Variants in TRABD2A observed in about 807,000 individuals in gnomAD.
TRABD2A encodes TraB domain containing 2A.
A neutral mutation model predicts 45.6 loss-of-function variants in TRABD2A; 43 were observed. That is an observed-to-expected ratio of 0.94 (90% CI 0.74 to 1.22). TRABD2A has a LOEUF of 1.22. TRABD2A is among the 50% of genes most tolerant of loss of function. TRABD2A has a pLI of 0.00. For synonymous variants in TRABD2A, 269 were observed against 265.0 expected, an observed-to-expected ratio of 1.02 and a Z score of -0.15; for missense variants, 642 against 652.4, an observed-to-expected ratio of 0.98 and a Z score of 0.17.
chr2:84,847,616 G>A (rs1275039505), intron 2 of TRABD2A, among the ~76,000 whole-genome samples: 2 of 152,222 alleles, frequency 1.3e-5, no homozygotes, highest in African/African-American at 4.8e-5. Flanking sequence ...GAAAGGCAAA[G>A]GAGCAGGCAC....
At chr2:84,827,705 G>A (rs556262026) in intron 5 of TRABD2A, among the ~76,000 whole-genome samples, 8 of 152,320 alleles carry the variant, frequency 5.3e-5, no homozygotes, top group African/African-American at 1.4e-4. Context: ...GAGTAGCCCA[G>A]GTTATCCAGG....
intron 1 of TRABD2A, among the ~76,000 whole-genome samples, chr2:84,873,454 G>A (rs1290074764): frequency 6.6e-6 from 1 of 152,164 alleles, no homozygotes; most frequent in Non-Finnish European, 1.5e-5. Context: ...ACCATTGATT[G>A]TTGAAGTAAT....
At chr2:84,856,464 G>A (rs1428560962) in intron 2 of TRABD2A, among the ~76,000 whole-genome samples, 1 of 152,142 alleles carries the variant, frequency 6.6e-6, no homozygotes, top group Admixed American at 6.5e-5. Flanking sequence ...TTCTTTGGAT[G>A]TCTAGGTCTG....
intron 2 of TRABD2A, chr2:84,851,279 C>G (rs1682086212): frequency 6.6e-6 from 1 of 152,196 alleles, no homozygotes; most frequent in African/African-American, 2.4e-5. Flanking sequence ...GAGATGGGCT[C>G]AGGGTCATAC....
At chr2:84,880,629 TCC>T in intron 1 of TRABD2A, among the ~76,000 whole-genome samples, 2 of 152,276 alleles carry the variant, frequency 1.3e-5, no homozygotes, top group East Asian at 3.9e-4. Flanking sequence ...GGCGGATCCG[TCC>T]CCCGAAAGCT....
rs1377149700 is a variant in TRABD2A, at chr2:84,839,336, A to G, written c.817-13T>C. The G allele has an allele frequency of 1.3e-6, 2 of 1,579,050 alleles. No homozygotes were observed. Among genetic ancestry groups the G allele is most frequent in the Non-Finnish European group, 1.7e-6 (2 of 1,163,450 alleles). On this transcript the variant is annotated splice_polypyrimidine_tract_variant and intron_variant, in intron 3 of 6. Coordinates refer to ENST00000409520, the MANE Select transcript of TRABD2A (RefSeq NM_001277053.2). ...TAAAATTGGGAACCTCCACCAAAAT[A>G]AAGAGAAAAAAAAATAAGGGGCAAC...
intron 2 of TRABD2A, among the ~76,000 whole-genome samples, chr2:84,853,383 C>T (rs114715768): frequency 0.051 from 7,710 of 152,192 alleles, 706 homozygotes; most frequent in African/African-American, 0.18. Flanking sequence ...ACATGTCCTT[C>T]GTCACATGGC....
rs372045788 is a variant in TRABD2A, at chr2:84,870,605, A to C, written c.289T>G (p.Ser97Ala). ...AGCATCTGACAGCTGGTGAGAGCTG[A>C]GATGGTATAGGGGTCTGTGAGATCC... Reference protein sequence around the residue: ...ELDLTDPYTISALTSCQMLPQ... With the variant: ...ELDLTDPYTIAALTSCQMLPQ... The change falls in exon 2 of 7, where the codon TCA (serine) becomes GCA (alanine). Residue 97 changes from serine (S) to alanine (A), a missense_variant. Coordinates refer to ENST00000409520, the MANE Select transcript of TRABD2A (RefSeq NM_001277053.2). The C allele has an allele frequency of 2.5e-5, 40 of 1,613,408 alleles. No homozygotes were observed. Among genetic ancestry groups the C allele is most frequent in the Non-Finnish European group, 3.3e-5 (39 of 1,179,712 alleles).
intron 2 of TRABD2A, among the ~76,000 whole-genome samples, chr2:84,855,210 A>G (rs1251410977): frequency 1.3e-5 from 2 of 152,176 alleles, no homozygotes; most frequent in Admixed American, 1.3e-4. Flanking sequence ...GCCTCATTTC[A>G]AATCTCTTTT....
At chr2:84,828,110 A>T (rs1681201784) in intron 5 of TRABD2A, among the ~76,000 whole-genome samples, 1 of 152,220 alleles carries the variant, frequency 6.6e-6, no homozygotes, top group South Asian at 2.1e-4. Context: ...TCTGCAGATT[A>T]GCCCAACAGG....
intron 2 of TRABD2A, among the ~76,000 whole-genome samples, chr2:84,855,434 CT>C (rs1682241305): frequency 6.6e-6 from 1 of 152,020 alleles, no homozygotes; most frequent in African/African-American, 2.4e-5. Context: ...ATTATACTCC[CT>C]TTTTTTAAAA....
intron 2 of TRABD2A, among the ~76,000 whole-genome samples, chr2:84,849,273 T>G (rs576309780): frequency 2.6e-5 from 4 of 152,100 alleles, no homozygotes; most frequent in African/African-American, 7.2e-5. Context: ...AGGGCTCATT[T>G]CTCCCAGATC....
chr2:84,863,970 T>C (rs1262993338), intron 2 of TRABD2A, among the ~76,000 whole-genome samples: 4 of 151,994 alleles, frequency 2.6e-5, no homozygotes, highest in South Asian at 2.1e-4. Context: ...AAATCGATCA[T>C]GGAAAATGTG....
Position 84,823,989 on chromosome 2 carries a change from C to T in TRABD2A, c.1298G>A (p.Arg433Gln), listed in dbSNP as rs778315280. Residue 433 changes from arginine to glutamine, a missense_variant, in exon 6 of 7, where the codon CGG becomes CAG. Physicochemically the swap from Arg to Gln is conservative, Grantham distance 43 (BLOSUM62 1). Coordinates refer to ENST00000409520, the MANE Select transcript of TRABD2A (RefSeq NM_001277053.2). The part of the protein sequence containing the change: ...RRRSQRRPRL[R>Q]QFSDLWVRLE... ...GCGGACCCACAGATCGCTGAATTGC[C>T]GGAGTCGCGGCCTCCGCTGTGACCG... is the stretch of plus-strand genomic sequence containing the variant. The T allele has an allele frequency of 5.0e-6, 8 of 1,613,904 alleles. 1 individual carries two copies. The highest frequency in any genetic ancestry group is 3.3e-5 in the South Asian group (3 of 91,064).
chr2:84,824,699 C>CT (rs764261649), intron 5 of TRABD2A, among the ~76,000 whole-genome samples: 22 of 152,114 alleles, frequency 1.4e-4, no homozygotes, highest in Non-Finnish European at 3.2e-4. Flanking sequence ...TGTCACGAAT[C>CT]TGACTAGTGA....
At chr2:84,846,100 G>A (rs1372086116) in intron 2 of TRABD2A, among the ~76,000 whole-genome samples, 1 of 152,152 alleles carries the variant, frequency 6.6e-6, no homozygotes, top group East Asian at 1.9e-4. Context: ...TTTCCTGGAG[G>A]GGAGGGAGGT....
At chr2:84,836,998 T>TTG (rs962822958) in intron 4 of TRABD2A, 3 of 144,752 alleles carry the variant, frequency 2.1e-5, no homozygotes, top group African/African-American at 7.7e-5. Context: ...TTTTTTTTTT[T>TTG]TTTTTTTTTT....
chr2:84,853,425 GA>G (rs1682166542), intron 2 of TRABD2A, among the ~76,000 whole-genome samples: 1 of 152,128 alleles, frequency 6.6e-6, no homozygotes, highest in African/African-American at 2.4e-5. Flanking sequence ...GCAAAAGGGG[GA>G]AAAGCCCCTT....
intron 3 of TRABD2A, among the ~76,000 whole-genome samples, chr2:84,840,291 T>C (rs560412304): frequency 6.6e-6 from 1 of 152,190 alleles, no homozygotes; most frequent in Non-Finnish European, 1.5e-5. Context: ...TCTTTTTTTT[T>C]AATCATGTCA....
Sources: allele counts gnomAD v4.1 joint callset (sites outside exome capture counted in the v4.1 genomes callset), GRCh38; gene constraint gnomAD v4.1.1; transcripts MANE v1.5; gene names NCBI Gene and HGNC (gene_info 2026-07-23, HGNC 2026-07-21).